Variants in ZNF644 observed in about 807,000 individuals in gnomAD.
ZNF644 encodes the protein zinc finger protein 644, also known as zinc finger motif enhancer binding protein 2.
A neutral mutation model predicts 108.0 loss-of-function variants in ZNF644; 20 were observed. The ratio of observed to expected loss-of-function variants is 0.19; its 90% CI spans 0.13 to 0.27. The LOEUF (loss-of-function observed/expected upper bound fraction) is 0.27. ZNF644 is among the 10% of genes least tolerant of loss of function. ZNF644 has a pLI of 1.00. For missense variants in ZNF644, 1,338 were observed against 1,548.9 expected (o/e 0.86, Z 2.29); for synonymous variants, 542 against 539.1 (o/e 1.01, Z -0.08).
rs552167 is a variant in ZNF644 at position 90,933,706 on chromosome 1, A to C, written c.3688+3779T>G. ...AAATGAACAAACCCACCTTCATTTT[A>C]GAATTTTCCATTGCTTATTTTTATT... On this transcript the variant is annotated intron_variant, in intron 4 of 5. Coordinates refer to ENST00000337393, the MANE Select transcript of ZNF644 (RefSeq NM_201269.3). 1.5e-3 allele frequency among the ~76,000 whole-genome samples: 230 copies of C among 152,280 alleles called. 4 individuals carry two copies. The highest frequency in any genetic ancestry group is 0.01 in the Middle Eastern group (3 of 294).
intron 2 of ZNF644, among the ~76,000 whole-genome samples, chr1:90,960,345 T>C (rs1654208400): frequency 6.6e-6 from 1 of 152,126 alleles, no homozygotes; most frequent in African/African-American, 2.4e-5. Context: ...ATGAACGTGG[T>C]GCATTTTAAG....
chr1:91,012,546 A>C (rs899332632), intron 1 of ZNF644, among the ~76,000 whole-genome samples: 1 of 152,152 alleles, frequency 6.6e-6, no homozygotes, highest in Non-Finnish European at 1.5e-5. Context: ...TAGAGGTTAG[A>C]GGTTAAAATA....
At chr1:91,001,457 C>T (rs934296520) in intron 1 of ZNF644, among the ~76,000 whole-genome samples, 3 of 152,154 alleles carry the variant, frequency 2.0e-5, no homozygotes, top group African/African-American at 4.8e-5. Flanking sequence ...TCAATAGATG[C>T]AGAAAAGGCC....
At chr1:90,926,454 C>T (rs566825493) in intron 4 of ZNF644, among the ~76,000 whole-genome samples, 13 of 152,302 alleles carry the variant, frequency 8.5e-5, no homozygotes, top group African/African-American at 3.1e-4. Context: ...TGGTCTCTGT[C>T]TGAGGATACA....
intron 1 of ZNF644, among the ~76,000 whole-genome samples, chr1:90,993,990 T>C (rs958199162): frequency 2.0e-5 from 3 of 152,194 alleles, no homozygotes; most frequent in Non-Finnish European, 4.4e-5. Flanking sequence ...CCTAGGCACC[T>C]GAATGGAAGG....
Position 90,916,812 on chromosome 1 carries a change from C to T in ZNF644, c.3970G>A (p.Glu1324Lys), listed in dbSNP as rs771685544. The T allele has an allele frequency of 6.8e-6, 11 of 1,614,026 alleles. No homozygotes were observed. The highest frequency in any genetic ancestry group is 3.3e-5 in the South Asian group (3 of 91,084). The change falls in exon 6 of 6, where the codon GAA (glutamate) becomes AAA (lysine). Residue 1324 changes from glutamate (E) to lysine (K), a missense_variant. Physicochemically the swap from Glu to Lys is moderately conservative, Grantham distance 56. Around this residue, in one of 6 missense-constraint regions of ZNF644, gnomAD observed 34 missense variants for 78.6 expected, o/e 0.43. Transcript: ENST00000337393. ...GTTTCCTGGTTCTATGAAGCTGCTT[C>T]GGCCATTAGTAGAGAAAATGAAGTT... ...TETSFSLLMA[E>K]AAS
intron 2 of ZNF644, among the ~76,000 whole-genome samples, chr1:90,978,270 T>C (rs926761912): frequency 2.0e-5 from 3 of 151,184 alleles, no homozygotes; most frequent in Non-Finnish European, 4.4e-5. Flanking sequence ...GAGAAACGCA[T>C]GAACTCAGGA....
chr1:90,932,110 G>A (rs1650797686), intron 4 of ZNF644, among the ~76,000 whole-genome samples: 1 of 152,186 alleles, frequency 6.6e-6, no homozygotes. Flanking sequence ...ATTTTGGGAA[G>A]AAGAGGGATA....
intron 4 of ZNF644, among the ~76,000 whole-genome samples, chr1:90,929,100 C>A (rs140018032): frequency 6.6e-6 from 1 of 152,138 alleles, no homozygotes; most frequent in Non-Finnish European, 1.5e-5. Flanking sequence ...AGCATACCAG[C>A]ATGAACTACT....
rs759582683 is a variant in ZNF644 at position 90,940,949 on chromosome 1, A to G, written c.405T>C (p.Ser135=). The change falls in exon 3 of 6, where the codon AGT becomes AGC. Residue 135 remains serine, a synonymous_variant. Coordinates refer to ENST00000337393, the MANE Select transcript of ZNF644 (RefSeq NM_201269.3). ...LTKTSNMNKG[S]VSLTTGQPVD... ...CAGGCTGTCCAGTGGTTAATGAAAC[A>G]CTGCCTTTATTCATATTGGAAGTCT... 1.3e-5 allele frequency: 21 copies of G among 1,613,988 alleles called. 1 individual carries two copies. In the Admixed American group the frequency reaches 3.3e-4, roughly 26 times the overall value.
Position 90,916,755 on chromosome 1 carries a change from T to C in ZNF644, c.*43A>G. 1 of 1,604,778 alleles carries C rather than the reference T, an allele frequency of 6.2e-7. No individual in the cohort carries two copies. The highest frequency in any genetic ancestry group is 8.5e-7 in the Non-Finnish European group (1 of 1,172,622). ...TGGCTTAAAAAAAAAGAATTTCAAA[T>C]TTACATCCAATTCAAACTGGCTATT... On this transcript the variant is annotated 3_prime_UTR_variant, in exon 6 of 6. Coordinates refer to ENST00000337393, the MANE Select transcript of ZNF644 (RefSeq NM_201269.3).
chr1:90,981,268 CACA>C (rs532311086), intron 2 of ZNF644, among the ~76,000 whole-genome samples: 187 of 152,112 alleles, frequency 1.2e-3, no homozygotes, highest in Non-Finnish European at 2.2e-3. Context: ...AATTTTTCTA[CACA>C]ACAAGAGGAG....
intron 1 of ZNF644, among the ~76,000 whole-genome samples, chr1:90,985,079 C>T (rs970419741): frequency 5.3e-5 from 8 of 152,114 alleles, no homozygotes; most frequent in African/African-American, 1.7e-4. Context: ...TTGCTTTGCT[C>T]GTACTCTCCA....
chr1:90,972,743 C>T (rs1655618184), intron 2 of ZNF644: 2 of 152,188 alleles, frequency 1.3e-5, no homozygotes, highest in Admixed American at 1.3e-4. Flanking sequence ...AAATAAACAA[C>T]ATGTGTTACA....
chr1:90,925,288 T>C (rs1466963668), intron 4 of ZNF644, among the ~76,000 whole-genome samples: 1 of 152,220 alleles, frequency 6.6e-6, no homozygotes, highest in Non-Finnish European at 1.5e-5. Flanking sequence ...TCCTGAAATC[T>C]GTGATACAAA....
At chr1:90,935,929 T>A (rs1435959161) in intron 4 of ZNF644, among the ~76,000 whole-genome samples, 1 of 152,162 alleles carries the variant, frequency 6.6e-6, no homozygotes, top group Non-Finnish European at 1.5e-5. Context: ...AAAGTCTAGT[T>A]GACAAAGTGG....
intron 4 of ZNF644, among the ~76,000 whole-genome samples, chr1:90,922,463 G>A (rs566673452): frequency 1.8e-4 from 28 of 152,222 alleles, no homozygotes; most frequent in African/African-American, 6.7e-4. Flanking sequence ...ACACGAACAG[G>A]TAAATCATCA....
Position 90,932,850 on chromosome 1 carries a change from T to C in ZNF644, c.3688+4635A>G, listed in dbSNP as rs368039672. Among the ~76,000 whole-genome samples the C allele has an allele frequency of 3.7e-4, 56 of 152,328 alleles. No homozygotes were observed. The East Asian group carries it at 5.8e-3, about 16-fold the overall frequency. ...GTTTTTAAAGTTTCTCAAAAGTGGC[T>C]ACTGGGTGTGGAAAATAAGACCCTA... is the stretch of plus-strand genomic sequence containing the variant. On this transcript the variant is annotated intron_variant, in intron 4 of 5. Coordinates refer to ENST00000337393, the MANE Select transcript of ZNF644 (RefSeq NM_201269.3).
chr1:91,008,902 G>A (rs988227158), intron 1 of ZNF644, among the ~76,000 whole-genome samples: 3 of 152,166 alleles, frequency 2.0e-5, no homozygotes, highest in Non-Finnish European at 2.9e-5. Flanking sequence ...AGAAGGCTGT[G>A]TACCCAAAGC....
Sources: gnomAD v4.1 joint callset for allele counts (sites outside exome capture counted in the v4.1 genomes callset) on GRCh38, gnomAD v4.1.1 for gene constraint, gnomAD v4.1.1 regional missense constraint, MANE v1.5 for transcripts, NCBI Gene and HGNC (gene_info 2026-07-23, HGNC 2026-07-21) for gene names.